The following FGFR1 variants were observed in gnomAD, a reference collection of about 807,000 sequenced individuals.
FGFR1 encodes the protein FGFR1/PLAG1 fusion.
Under a neutral mutation model 93.7 loss-of-function variants are expected in FGFR1, and 18 were observed. The observed-to-expected ratio is 0.19, with a 90% confidence interval of 0.13 to 0.28. The LOEUF (loss-of-function observed/expected upper bound fraction) is 0.28. Among genes scored for constraint, FGFR1 ranks in the 10% least tolerant of loss-of-function variants. The probability of loss-of-function intolerance (pLI) is 1.00; values close to 1 mark genes in which losing one functional copy is unlikely to be tolerated. For synonymous variants in FGFR1, 448 were observed against 429.3 expected (o/e 1.04, Z -0.54); for missense variants, 731 against 1,080.4 (o/e 0.68, Z 4.53).
rs375003683 is a variant in FGFR1, at chr8:38,411,352, ACT to A, written c.*2274_*2275del. The A allele has an allele frequency of 1.3e-4, 28 of 217,494 alleles. No individual in the cohort carries two copies. The South Asian group carries it at 2.4e-3, about 19-fold the overall frequency. The allele number at this position is 217,494 out of a possible 1,614,324, so 13.5% of individuals were successfully genotyped here. A position where few individuals can be genotyped will look rare whatever the true frequency, so the allele number is the denominator to read the frequency against. ...TAGGGCCAAGGCAGAAATTATCATCACTGTTTTACAAGGAAAGACACTCCTGT... is the reference window on the plus strand; with the variant it reads ...TAGGGCCAAGGCAGAAATTATCATCAGTTTTACAAGGAAAGACACTCCTGT... On this transcript the variant is annotated 3_prime_UTR_variant, in exon 18 of 18. Coordinates refer to ENST00000447712, the MANE Select transcript of FGFR1 (RefSeq NM_023110.3).
intron 13 of FGFR1, among the ~76,000 whole-genome samples, 180 bp downstream of exon 13, chr8:38,415,690 G>C (rs139392202): frequency 6.4e-4 from 97 of 152,194 alleles, no homozygotes; most frequent in African/African-American, 2.3e-3. Flanking sequence ...AGGCCACCTG[G>C]CTACACTGGT....
At chr8:38,457,606 A>G (rs2151357138) in intron 1 of FGFR1, 72 bp from the exon 2 acceptor site, 1 of 1,456,624 alleles carries the variant, frequency 6.9e-7, no homozygotes, top group Non-Finnish European at 9.3e-7. Flanking sequence ...AACAGAAGGT[A>G]AAGTATGCCA....
intron 2 of FGFR1, among the ~76,000 whole-genome samples, chr8:38,456,217 T>C (rs1370415958): frequency 6.6e-6 from 1 of 152,202 alleles, no homozygotes; most frequent in Non-Finnish European, 1.5e-5. Context: ...ACCTTCTCTG[T>C]GTGACCAGCC....
intron 1 of FGFR1, among the ~76,000 whole-genome samples, chr8:38,463,889 T>C (rs564428458): frequency 1.3e-5 from 2 of 151,998 alleles, no homozygotes; most frequent in Non-Finnish European, 2.9e-5. Context: ...AAGTACTTAA[T>C]AAACATATGG....
intron 7 of FGFR1, chr8:38,423,711 A>C (rs1448388647): frequency 6.4e-6 from 1 of 157,398 alleles, no homozygotes. Context: ...GGAATGTTCT[A>C]TTTGTGTTTA....
At chr8:38,415,434 T>C (rs10958682) in intron 13 of FGFR1, among the ~76,000 whole-genome samples, 32,210 of 151,210 alleles carry the variant, frequency 0.21, 3,618 homozygotes, top group East Asian at 0.31. Context: ...GCTGGGACTA[T>C]CGGCACGCAC....
intron 9 of FGFR1, 127 bp from the exon 10 acceptor site, chr8:38,418,500 C>T (rs916138949): frequency 1.3e-5 from 15 of 1,196,004 alleles, no homozygotes; most frequent in Non-Finnish European, 1.8e-5. Flanking sequence ...CTTTCCTCAA[C>T]ACAGAGTGGT....
rs750732571 is a variant in FGFR1 at position 38,413,425 on chromosome 8, C to A, written c.*203G>T. On this transcript the variant is annotated 3_prime_UTR_variant, in exon 18 of 18. Coordinates refer to ENST00000447712, the MANE Select transcript of FGFR1 (RefSeq NM_023110.3). The surrounding 1 kb of genome is among the most constrained non-coding windows in gnomAD (Gnocchi z 4.2). Reference sequence around the variant, plus strand: ...GGCAGCAAAGATCTGCCTCTTTGCACCTCTCACCAGCAGGTGGAGAGGAGG... The same window carrying A: ...GGCAGCAAAGATCTGCCTCTTTGCAACTCTCACCAGCAGGTGGAGAGGAGG... 4 of 602,338 alleles carry A rather than the reference C, an allele frequency of 6.6e-6. No homozygotes were observed. The highest frequency in any genetic ancestry group is 1.2e-5 in the Non-Finnish European group (4 of 340,036). 37.3% of individuals were successfully genotyped at this position (602,338 alleles called of 1,614,324 possible). A position where few individuals can be genotyped will look rare whatever the true frequency, so the allele number is the denominator to read the frequency against.
intron 2 of FGFR1, among the ~76,000 whole-genome samples, chr8:38,432,070 G>A (rs1365328493): frequency 6.6e-6 from 1 of 152,062 alleles, no homozygotes; most frequent in Non-Finnish European, 1.5e-5. Context: ...CTTACCCTCT[G>A]GCATCACAAG....
At chr8:38,450,418 T>C (rs932876487) in intron 2 of FGFR1, among the ~76,000 whole-genome samples, 3 of 152,094 alleles carry the variant, frequency 2.0e-5, no homozygotes, top group African/African-American at 4.8e-5. Context: ...GAACGAGGCA[T>C]TGTGAAAATA....
intron 7 of FGFR1, chr8:38,423,321 T>G: frequency 1.7e-6 from 1 of 603,282 alleles, no homozygotes; most frequent in Non-Finnish European, 2.9e-6. Flanking sequence ...AGTTTTTTTT[T>G]TTTTTTTTTT....
Position 38,457,360 on chromosome 8 carries a change from T to G in FGFR1, c.87A>C (p.Glu29Asp), listed in dbSNP as rs1240973335. 6.2e-7 allele frequency: 1 copy of G among 1,612,872 alleles called. No homozygotes were observed. The highest frequency in any genetic ancestry group is 2.2e-5 in the East Asian group (1 of 44,872). Residue 29 changes from glutamate (E) to aspartate (D), a missense_variant, in exon 2 of 18, where the codon GAA becomes GAC. This residue lies in a region of FGFR1 where 212 missense variants were observed against 205.8 expected (regional missense o/e 1.03). Transcript: ENST00000447712. ...CTARPSPTLPEQAQPWGAPVE... is the reference protein window; with the variant it reads ...CTARPSPTLPDQAQPWGAPVE... The stretch of plus-strand genomic sequence containing the variant: ...TGCCCCCAGCCAGCACCTTACCTTG[T>G]TCAGGCAAGGTCGGGGACGGCCTAG...
chr8:38,461,340 T>TGAA (rs1834358255), intron 1 of FGFR1: 1 of 569,644 alleles, frequency 1.8e-6, no homozygotes, highest in Non-Finnish European at 3.1e-6. Context: ...GGCCAAATCT[T>TGAA]TTTATTCTTT....
At position 38,461,363 on chromosome 8, in the gene FGFR1, G is replaced by A. The variant is rs116562198; in HGVS notation, c.-88-3829C>T. 4.7e-3 allele frequency: 2,450 copies of A among 521,954 alleles called. 54 individuals carry two copies. Among genetic ancestry groups the A allele is most frequent in the African/African-American group, 0.042 (2,181 of 52,282 alleles). 32.3% of individuals were successfully genotyped at this position (521,954 alleles called of 1,614,324 possible). On this transcript the variant is annotated intron_variant, in intron 1 of 17. Coordinates refer to ENST00000447712, the MANE Select transcript of FGFR1 (RefSeq NM_023110.3). ...CTTTTTATTCTTTCTGAGACAGAGTGTTGCTCTGTCACCCAAGCTAGAGTG... is the reference window on the plus strand; with the variant it reads ...CTTTTTATTCTTTCTGAGACAGAGTATTGCTCTGTCACCCAAGCTAGAGTG...
At chr8:38,421,666 GTGGC>G (rs761693646) in intron 8 of FGFR1, 127 bp downstream of exon 8, 2 of 954,228 alleles carry the variant, frequency 2.1e-6, no homozygotes, top group Non-Finnish European at 1.7e-6. Context: ...GGGGCAGGAT[GTGGC>G]ACCAGGCAGG....
chr8:38,438,325 T>A (rs752517943), intron 2 of FGFR1, among the ~76,000 whole-genome samples: 2 of 152,136 alleles, frequency 1.3e-5, no homozygotes, highest in Non-Finnish European at 2.9e-5. Flanking sequence ...GTGGATCACC[T>A]GAGATCAGGA....
At chr8:38,449,679 C>T (rs1051646997) in intron 2 of FGFR1, among the ~76,000 whole-genome samples, 3 of 150,332 alleles carry the variant, frequency 2.0e-5, no homozygotes, top group African/African-American at 7.4e-5. Context: ...TTTACACAAC[C>T]CATCCCGGGA....
At chr8:38,455,447 C>G (rs564826355) in intron 2 of FGFR1, among the ~76,000 whole-genome samples, 3 of 152,046 alleles carry the variant, frequency 2.0e-5, no homozygotes, top group Non-Finnish European at 4.4e-5. Flanking sequence ...CCTGCCACTA[C>G]GCCCGGCTAA....
intron 2 of FGFR1, among the ~76,000 whole-genome samples, chr8:38,447,450 A>G (rs1326560886): frequency 6.6e-6 from 1 of 152,122 alleles, no homozygotes; most frequent in Non-Finnish European, 1.5e-5. Context: ...AAAAATGGGA[A>G]AATGTCAAGC....
Sources: gnomAD v4.1 joint callset for allele counts (sites outside exome capture counted in the v4.1 genomes callset) on GRCh38, gnomAD v4.1.1 for gene constraint, gnomAD v4.1.1 regional missense constraint, Gnocchi (gnomAD v3.1) non-coding constraint, MANE v1.5 for transcripts, NCBI Gene and HGNC (gene_info 2026-07-23, HGNC 2026-07-21) for gene names.